DRC1: variants seen among roughly 807,000 people sequenced by gnomAD.
DRC1 encodes dynein regulatory complex subunit 1.
Under a neutral mutation model 98.7 loss-of-function variants are expected in DRC1, and 74 were observed. The observed-to-expected ratio is 0.75, with a 90% CI of 0.62 to 0.91. The LOEUF (loss-of-function observed/expected upper bound fraction) is 0.91, where lower values mean the gene tolerates loss of function less well. Among genes scored for constraint, DRC1 ranks in the 40% least tolerant of loss-of-function variants. DRC1 has a pLI of 0.00. For synonymous variants in DRC1, 336 were observed against 334.1 expected (o/e 1.01, Z -0.06); for missense variants, 875 against 886.0 (o/e 0.99, Z 0.16).
intron 7 of DRC1, among the ~76,000 whole-genome samples, chr2:26,437,229 G>T (rs558133533): frequency 1.3e-5 from 2 of 152,334 alleles, no homozygotes; most frequent in Admixed American, 1.3e-4. Context: ...ATCCCTAGAA[G>T]GGGACAGGGC....
intron 1 of DRC1, among the ~76,000 whole-genome samples, chr2:26,402,835 T>A (rs1401629150): frequency 1.3e-5 from 2 of 152,178 alleles, no homozygotes; most frequent in Admixed American, 6.5e-5. Flanking sequence ...TGTGTTTCCA[T>A]CACTCGCTCA....
At chr2:26,418,631 T>TATATAATATAAATTAA (rs1678917462) in intron 2 of DRC1, among the ~76,000 whole-genome samples, 1 of 99,052 alleles carries the variant, frequency 1.0e-5, no homozygotes, top group Admixed American at 1.5e-4. Context: ...ATATAAATTA[T>TATATAATATAAATTAA]ATATAATTTA....
chr2:26,439,205 G>C (rs920506165), intron 7 of DRC1, among the ~76,000 whole-genome samples: 1 of 151,846 alleles, frequency 6.6e-6, no homozygotes, highest in South Asian at 2.1e-4. Context: ...TCTCTCTAGA[G>C]CGCTCTCCCT....
chr2:26,431,168 A>T (rs1402538304), intron 6 of DRC1, among the ~76,000 whole-genome samples: 1 of 151,980 alleles, frequency 6.6e-6, no homozygotes, highest in Non-Finnish European at 1.5e-5. Flanking sequence ...GTTGACCAGG[A>T]TGGTCTCGAT....
At chr2:26,446,543 T>C (rs1663856873) in intron 10 of DRC1, among the ~76,000 whole-genome samples, 1 of 152,168 alleles carries the variant, frequency 6.6e-6, no homozygotes, top group African/African-American at 2.4e-5. Context: ...TACCTCCTCA[T>C]CAACAGGATG....
intron 2 of DRC1, among the ~76,000 whole-genome samples, chr2:26,415,935 CAAAAAAAA>C (rs59566642): frequency 1.6e-3 from 162 of 98,376 alleles, no homozygotes; most frequent in African/African-American, 5.3e-3. Flanking sequence ...CTTTCTCTTT[CAAAAAAAA>C]AAAAAAAAAA....
intron 13 of DRC1, among the ~76,000 whole-genome samples, chr2:26,451,599 G>C (rs1664009036): frequency 6.8e-6 from 1 of 146,506 alleles, no homozygotes; most frequent in Non-Finnish European, 1.5e-5. Context: ...AGAAGGTTGA[G>C]GCTGCAGTGA....
intron 10 of DRC1, among the ~76,000 whole-genome samples, chr2:26,445,807 C>G (rs774758392): frequency 6.6e-6 from 1 of 151,714 alleles, no homozygotes; most frequent in Non-Finnish European, 1.5e-5. Context: ...TACAGGTGCG[C>G]ACTGCCACAC....
intron 2 of DRC1, 159 bp from the exon 3 acceptor site, chr2:26,421,129 G>C (rs913385915): frequency 9.4e-6 from 5 of 533,024 alleles, no homozygotes; most frequent in African/African-American, 5.8e-5. Flanking sequence ...TGATAGAAAA[G>C]GGTTGCTACA....
intron 4 of DRC1, among the ~76,000 whole-genome samples, chr2:26,427,168 G>A (rs531521155): frequency 9.9e-4 from 150 of 152,180 alleles, no homozygotes; most frequent in African/African-American, 3.4e-3. Flanking sequence ...CCAGGCTGGA[G>A]TGCAGTAGAC....
chr2:26,446,094 ATTTT>A (rs35251803), intron 10 of DRC1, among the ~76,000 whole-genome samples: 4 of 83,002 alleles, frequency 4.8e-5, no homozygotes, highest in African/African-American at 3.9e-5. Context: ...CAAATAGGGA[ATTTT>A]TTTTTTTTTT....
chr2:26,415,657 C>T (rs896171891), intron 2 of DRC1, among the ~76,000 whole-genome samples: 6 of 152,108 alleles, frequency 3.9e-5, no homozygotes, highest in African/African-American at 1.4e-4. Context: ...CTCAGCCGGG[C>T]GCGGTGGCTC....
intron 13 of DRC1, among the ~76,000 whole-genome samples, chr2:26,451,373 CAGA>C (rs1221098722): frequency 6.6e-6 from 1 of 152,142 alleles, no homozygotes; most frequent in African/African-American, 2.4e-5. Context: ...TAATTGATTT[CAGA>C]AGGTGAATCA....
chr2:26,430,649 G>T, intron 5 of DRC1, 137 bp from the exon 6 acceptor site: 1 of 864,820 alleles, frequency 1.2e-6, no homozygotes, highest in Non-Finnish European at 2.0e-6. Context: ...TATGAAACTT[G>T]GCAGGTCTGA....
chr2:26,418,655 TTA>T (rs1456276118), intron 2 of DRC1, among the ~76,000 whole-genome samples: 1 of 90,514 alleles, frequency 1.1e-5, no homozygotes, highest in Non-Finnish European at 2.0e-5. Flanking sequence ...AATATATAAA[TTA>T]TATATTATAT....
intron 10 of DRC1, chr2:26,448,322 A>G (rs958072652): frequency 2.1e-6 from 1 of 486,708 alleles, no homozygotes; most frequent in Non-Finnish European, 4.2e-6. Context: ...TTTAGAGACT[A>G]TATAGCCACT....
rs1229850738 is a variant in DRC1, at chr2:26,415,929, C to T, written c.243+1498C>T. On this transcript the variant is annotated intron_variant, in intron 2 of 16. Coordinates refer to ENST00000288710, the MANE Select transcript of DRC1 (RefSeq NM_145038.5). ...CCTGGGTGACAGAGGGAGACTCTTT[C>T]TCTTTCAAAAAAAAAAAAAAAAAAA... Among the ~76,000 whole-genome samples the T allele has an allele frequency of 7.3e-5, 8 of 109,672 alleles. 1 individual carries two copies. Among genetic ancestry groups the T allele is most frequent in the Non-Finnish European group, 1.8e-5 (1 of 56,918 alleles). The allele number at this position is 109,672 out of a possible 152,430, so 71.9% of individuals were successfully genotyped here.
chr2:26,455,336 C>A, intron 16 of DRC1, 103 bp downstream of exon 16: 1 of 1,070,064 alleles, frequency 9.3e-7, no homozygotes, highest in Non-Finnish European at 1.4e-6. Flanking sequence ...CCGTCAGAGG[C>A]AAGGGAGCTT....
At chr2:26,448,551 G>C (rs377014819) in intron 10 of DRC1, 140 bp from the exon 11 acceptor site, 5 of 871,222 alleles carry the variant, frequency 5.7e-6, no homozygotes, top group South Asian at 1.5e-5. Flanking sequence ...TCATCATAAA[G>C]AGACTGAGAG....
Sources: allele counts gnomAD v4.1 joint callset (sites outside exome capture counted in the v4.1 genomes callset), GRCh38; gene constraint gnomAD v4.1.1; transcripts MANE v1.5; gene names NCBI Gene and HGNC (gene_info 2026-07-23, HGNC 2026-07-21).